FGF14: variants seen among roughly 807,000 people sequenced by gnomAD.
The protein encoded by FGF14 is fibroblast growth factor 14.
In FGF14, 5 loss-of-function variants were observed where a neutral mutation model predicts 25.5. The observed-to-expected ratio is 0.20, with a 90% confidence interval of 0.10 to 0.41. FGF14 has a LOEUF of 0.41. Among genes scored for constraint, FGF14 ranks in the 10% least tolerant of loss-of-function variants. The pLI, the probability that FGF14 is intolerant of heterozygous loss-of-function variation, is 1.00. For missense variants in FGF14, 222 were observed against 320.1 expected (o/e 0.69, Z 2.34); for synonymous variants, 138 against 118.3 (o/e 1.17, Z -1.08).
chr13:102,289,418 G>C (rs1055418180), intron 1 of FGF14, among the ~76,000 whole-genome samples: 1 of 152,084 alleles, frequency 6.6e-6, no homozygotes, highest in Non-Finnish European at 1.5e-5. Context: ...TTTAGGCTTT[G>C]TGCACCAAAA....
chr13:101,988,175 T>C (rs991729044), intron 1 of FGF14, among the ~76,000 whole-genome samples: 1 of 151,908 alleles, frequency 6.6e-6, no homozygotes, highest in Non-Finnish European at 1.5e-5. Flanking sequence ...TGGAAACAAA[T>C]GGTGATCAAA....
chr13:101,736,463 A>G (rs577443731), intron 3 of FGF14, among the ~76,000 whole-genome samples: 20 of 152,208 alleles, frequency 1.3e-4, no homozygotes, highest in Non-Finnish European at 2.5e-4. Context: ...TATAACAATA[A>G]AATCTCTGGG....
chr13:102,183,787 C>T (rs569436638), intron 1 of FGF14, among the ~76,000 whole-genome samples: 26 of 152,250 alleles, frequency 1.7e-4, no homozygotes, highest in African/African-American at 6.3e-4. Context: ...TAGATTCAAG[C>T]CCTCTCTCCT....
intron 3 of FGF14, among the ~76,000 whole-genome samples, chr13:101,807,134 A>G (rs1402285389): frequency 6.6e-6 from 1 of 152,140 alleles, no homozygotes; most frequent in African/African-American, 2.4e-5. Context: ...TTATTCTTTT[A>G]GTTCACTCCA....
intron 1 of FGF14, among the ~76,000 whole-genome samples, chr13:102,115,965 C>T (rs1246068823): frequency 6.6e-6 from 1 of 152,028 alleles, no homozygotes; most frequent in Non-Finnish European, 1.5e-5. Context: ...ACAAAATTAG[C>T]CGGGCTTGGT....
At chr13:102,132,531 G>A (rs79151237) in intron 1 of FGF14, among the ~76,000 whole-genome samples, 11 of 103,736 alleles carry the variant, frequency 1.1e-4, no homozygotes, top group African/African-American at 1.8e-4. Context: ...TTTTTTTTTT[G>A]AGACAGAGTG....
intron 1 of FGF14, among the ~76,000 whole-genome samples, chr13:102,350,649 G>A (rs2057250071): frequency 6.6e-6 from 1 of 152,156 alleles, no homozygotes; most frequent in African/African-American, 2.4e-5. Flanking sequence ...CATAGCCTTT[G>A]TATAGAACAC....
In FGF14 at chr13:101,717,711, A is replaced by T. The variant is rs945268042; in HGVS notation, c.*5120T>A. The T allele has an allele frequency of 2.0e-5, 3 of 152,208 alleles. No homozygotes were observed. The highest frequency in any genetic ancestry group is 3.9e-4 in the East Asian group (2 of 5,156). 9.4% of individuals were successfully genotyped at this position (152,208 alleles called of 1,614,324 possible). A position where few individuals can be genotyped will look rare whatever the true frequency, so the allele number is the denominator to read the frequency against. On this transcript the variant is annotated 3_prime_UTR_variant, in exon 5 of 5. Coordinates refer to ENST00000376143, the MANE Select transcript of FGF14 (RefSeq NM_004115.4). ...TACTTTAAAGCTGTAAAAAAAATTT[A>T]AAAAATTCCTTCTGAGCTCCCAGGC...
intron 1 of FGF14, among the ~76,000 whole-genome samples, chr13:102,144,628 T>C (rs2046779555): frequency 6.6e-6 from 1 of 152,164 alleles, no homozygotes; most frequent in Non-Finnish European, 1.5e-5. Context: ...TCCTAGCTTA[T>C]TTATGTAGTA....
chr13:102,214,943 A>G (rs2050310933), intron 1 of FGF14, among the ~76,000 whole-genome samples: 1 of 152,158 alleles, frequency 6.6e-6, no homozygotes, highest in Admixed American at 6.5e-5. Context: ...CCATTTACTC[A>G]TCAGCCTGAA....
intron 1 of FGF14, among the ~76,000 whole-genome samples, chr13:102,297,920 C>T (rs934782327): frequency 2.6e-5 from 4 of 152,014 alleles, no homozygotes; most frequent in Non-Finnish European, 5.9e-5. Flanking sequence ...AAGCTGGCCA[C>T]AGTGGCTGGG....
At chr13:101,922,717 T>G (rs2034089467) in intron 1 of FGF14, among the ~76,000 whole-genome samples, 1 of 152,040 alleles carries the variant, frequency 6.6e-6, no homozygotes, top group Non-Finnish European at 1.5e-5. Flanking sequence ...ATTATTAAAT[T>G]TTTTCCTATT....
chr13:102,300,352 T>C (rs949690926), intron 1 of FGF14: 4 of 151,160 alleles, frequency 2.6e-5, no homozygotes, highest in African/African-American at 9.9e-5. Context: ...ATGTAATCTA[T>C]GCCTCGAGAA....
In FGF14 at chr13:102,286,549, G is replaced by A. The variant is rs1057418908; in HGVS notation, c.208+114922C>T. Among the ~76,000 whole-genome samples the A allele has an allele frequency of 2.6e-5, 4 of 152,148 alleles. 1 individual carries two copies. Among genetic ancestry groups the A allele is most frequent in the Non-Finnish European group, 5.9e-5 (4 of 68,040 alleles). On this transcript the variant is annotated intron_variant, in intron 1 of 4. Coordinates refer to the FGF14 transcript ENST00000376131. ...ATGTATAAGTATTGCTTAACTCATA[G>A]TGCTCATCATGGTGTTTGCTCACAC... is the stretch of plus-strand genomic sequence containing the variant.
intron 3 of FGF14, among the ~76,000 whole-genome samples, chr13:101,759,686 G>A (rs550756401): frequency 1.3e-4 from 20 of 152,262 alleles, no homozygotes; most frequent in African/African-American, 4.8e-4. Context: ...TTGGGCTTCA[G>A]TTTGCTCAGC....
intron 1 of FGF14, among the ~76,000 whole-genome samples, chr13:102,286,923 T>C (rs1037884269): frequency 3.3e-5 from 5 of 150,790 alleles, no homozygotes; most frequent in African/African-American, 1.2e-4. Flanking sequence ...GGTCATTCCC[T>C]CCCTATCTTT....
chr13:101,771,596 T>C (rs2038774955), intron 3 of FGF14, among the ~76,000 whole-genome samples: 1 of 152,084 alleles, frequency 6.6e-6, no homozygotes, highest in East Asian at 1.9e-4. Context: ...ATCTGGATGC[T>C]TACTCAATCA....
intron 3 of FGF14, among the ~76,000 whole-genome samples, chr13:101,733,186 G>C (rs2035923111): frequency 6.6e-6 from 1 of 152,092 alleles, no homozygotes; most frequent in Non-Finnish European, 1.5e-5. Context: ...TTTATATAAA[G>C]TTGTATGTAG....
At chr13:101,984,523 A>G (rs921679290) in intron 1 of FGF14, among the ~76,000 whole-genome samples, 7 of 152,202 alleles carry the variant, frequency 4.6e-5, no homozygotes, top group African/African-American at 1.7e-4. Flanking sequence ...ATATTTTACT[A>G]AAACTCATTT....
Sources: allele counts gnomAD v4.1 joint callset (sites outside exome capture counted in the v4.1 genomes callset), GRCh38; gene constraint gnomAD v4.1.1; transcripts MANE v1.5; gene names NCBI Gene and HGNC (gene_info 2026-07-23, HGNC 2026-07-21).